The following FOCAD variants were observed in gnomAD, a reference collection of about 807,000 sequenced individuals.
The protein encoded by FOCAD is focadhesin, also known as KIAA1797.
In FOCAD, 198 loss-of-function variants were observed where a neutral mutation model predicts 225.6. That is an observed-to-expected ratio of 0.88 (90% confidence interval 0.78 to 0.99). FOCAD has a LOEUF of 0.99. FOCAD is among the 50% of genes least tolerant of loss of function. FOCAD has a pLI of 0.00. For missense variants in FOCAD, 2,713 were observed against 2,123.6 expected, an observed-to-expected ratio of 1.28 and a Z score of -5.46; for synonymous variants, 897 against 755.0, an observed-to-expected ratio of 1.19 and a Z score of -3.08.
At chr9:20,976,248 C>G (rs532623147) in intron 35 of FOCAD, 172 bp from the exon 36 acceptor site, 1 of 503,272 alleles carries the variant, frequency 2.0e-6, no homozygotes, top group Non-Finnish European at 3.4e-6. Flanking sequence ...AGGGAGCAAG[C>G]TTTTCTGGCA....
chr9:20,948,196 T>C, intron 30 of FOCAD, 75 bp from the exon 31 acceptor site: 1 of 1,350,180 alleles, frequency 7.4e-7, no homozygotes, highest in Non-Finnish European at 1.0e-6. Context: ...GTGTTTATGT[T>C]GCTATTTATA....
rs763402628 is a variant in FOCAD at position 20,758,202 on chromosome 9, A to G, written c.494+11A>G. On this transcript the variant is annotated intron_variant, in intron 6 of 43. Coordinates refer to ENST00000338382, the MANE Select transcript of FOCAD (RefSeq NM_001375567.1). ...GCAGTGCCCTGAAAGGTAATGTAAA[A>G]TAAAAGTGTAAAATAAAGTGAGGGA... 2.3e-5 allele frequency: 37 copies of G among 1,596,540 alleles called. No homozygotes were observed. In the Admixed American group the frequency reaches 6.3e-4, roughly 27 times the overall value.
chr9:20,975,238 T>C (rs1840126955), intron 35 of FOCAD, among the ~76,000 whole-genome samples: 1 of 152,208 alleles, frequency 6.6e-6, no homozygotes, highest in Admixed American at 6.6e-5. Flanking sequence ...ATGGCTATTC[T>C]ATTCCTGGTT....
At position 20,855,250 on chromosome 9, in the gene FOCAD, A is replaced by G. The variant is rs552511210; in HGVS notation, c.1921-7328A>G. On this transcript the variant is annotated intron_variant, in intron 15 of 43. Coordinates refer to ENST00000338382, the MANE Select transcript of FOCAD (RefSeq NM_001375567.1). ...GGTGATACATGGGTAAATAAAATGT[A>G]TATATTCCTTTTCCTTATTTTTCTA... Among the ~76,000 whole-genome samples, 253 of 151,810 alleles carry G rather than the reference A, an allele frequency of 1.7e-3. 1 individual carries two copies. Among genetic ancestry groups the G allele is most frequent in the African/African-American group, 5.8e-3 (240 of 41,526 alleles).
chr9:20,973,597 T>C (rs1385251263), intron 35 of FOCAD, among the ~76,000 whole-genome samples: 1 of 150,620 alleles, frequency 6.6e-6, no homozygotes, highest in Non-Finnish European at 1.5e-5. Flanking sequence ...TTTTTCCTGC[T>C]GACTCTTGCT....
chr9:20,656,353 A>G (rs1203174580), upstream of FOCAD, among the ~76,000 whole-genome samples: 2 of 151,632 alleles, frequency 1.3e-5, no homozygotes, highest in African/African-American at 2.4e-5. Context: ...TGTCTCGTTG[A>G]TCTGTCTAAT....
At chr9:20,788,161 G>T (rs1820130433) in intron 10 of FOCAD, among the ~76,000 whole-genome samples, 1 of 152,164 alleles carries the variant, frequency 6.6e-6, no homozygotes, top group Admixed American at 6.5e-5. Flanking sequence ...ATTGATAGAA[G>T]TAACAACATG....
At chr9:20,706,336 T>C (rs966366627) in intron 1 of FOCAD, among the ~76,000 whole-genome samples, 1 of 152,206 alleles carries the variant, frequency 6.6e-6, no homozygotes, top group Non-Finnish European at 1.5e-5. Context: ...GGCTCCCATT[T>C]CAAAATCTGT....
intron 18 of FOCAD, among the ~76,000 whole-genome samples, chr9:20,868,465 A>T (rs867592721): frequency 3.3e-5 from 5 of 151,966 alleles, no homozygotes; most frequent in Admixed American, 2.6e-4. Flanking sequence ...TCAATTTCCA[A>T]TTATGTTTGC....
intron 5 of FOCAD, among the ~76,000 whole-genome samples, chr9:20,743,131 C>G (rs1827766445): frequency 6.6e-6 from 1 of 152,092 alleles, no homozygotes. Flanking sequence ...TGTTTTAGAG[C>G]CTTCTTTGCC....
chr9:20,915,864 T>A (rs1409609488), intron 23 of FOCAD, among the ~76,000 whole-genome samples: 1 of 152,194 alleles, frequency 6.6e-6, no homozygotes, highest in Non-Finnish European at 1.5e-5. Context: ...ACATAGGTCA[T>A]CATTTGTAAA....
chr9:20,881,958 C>T lies in FOCAD; in HGVS notation c.2405C>T (p.Ala802Val), dbSNP rs79849792. Residue 802 changes from alanine (A) to valine (V), a missense_variant, in exon 20 of 44, where the codon GCC becomes GTC. Coordinates refer to ENST00000338382, the MANE Select transcript of FOCAD (RefSeq NM_001375567.1). The stretch of plus-strand genomic sequence containing the variant: ...TATCACTCTGCATTAAAAGGAGGTG[C>T]CCGCTCAGACCAAGGAAAGACTGTA... ...GIYHSALKGG[A>V]RSDQGKTVAG... 6,744 of 1,613,808 alleles carry T rather than the reference C, an allele frequency of 4.2e-3. 21 individuals carry two copies. Among genetic ancestry groups the T allele is most frequent in the Non-Finnish European group, 5.1e-3 (5,974 of 1,179,848 alleles).
At chr9:20,741,410 G>A (rs554062906) in intron 5 of FOCAD, among the ~76,000 whole-genome samples, 30 of 152,130 alleles carry the variant, frequency 2.0e-4, no homozygotes, top group Admixed American at 1.2e-3. Flanking sequence ...ATGATCTTCC[G>A]TGTAATTTTT....
At chr9:20,685,160 T>C (rs533249528) in intron 1 of FOCAD, among the ~76,000 whole-genome samples, 2 of 152,262 alleles carry the variant, frequency 1.3e-5, no homozygotes, top group South Asian at 4.1e-4. Flanking sequence ...TATTCCAGTT[T>C]ATATGTTAGT....
chr9:20,674,174 CTTATA>C (rs1822159077), intron 2 of FOCAD, among the ~76,000 whole-genome samples: 1 of 152,032 alleles, frequency 6.6e-6, no homozygotes, highest in Admixed American at 6.5e-5. Context: ...AATTAAATAT[CTTATA>C]TTAGTATTAG....
chr9:20,924,669 C>CACAG, intron 25 of FOCAD, among the ~76,000 whole-genome samples: 1 of 151,630 alleles, frequency 6.6e-6, no homozygotes, highest in East Asian at 1.9e-4. Flanking sequence ...TTTGGTGGTA[C>CACAG]ACTAAAAAAA....
intron 15 of FOCAD, among the ~76,000 whole-genome samples, chr9:20,858,542 CA>C (rs1199882389): frequency 2.0e-5 from 3 of 151,912 alleles, no homozygotes; most frequent in African/African-American, 7.3e-5. Context: ...CTCATCTTTT[CA>C]AGAAACCAAC....
chr9:20,864,043 T>C (rs1224463337), intron 16 of FOCAD, among the ~76,000 whole-genome samples: 1 of 152,068 alleles, frequency 6.6e-6, no homozygotes, highest in Non-Finnish European at 1.5e-5. Context: ...GTTCTCTCTA[T>C]CTCTTCCTGC....
At chr9:20,727,068 G>A (rs1015806234) in intron 4 of FOCAD, among the ~76,000 whole-genome samples, 1 of 152,116 alleles carries the variant, frequency 6.6e-6, no homozygotes, top group Middle Eastern at 3.2e-3. Flanking sequence ...TTAACTTTTA[G>A]TAGAGAGTGA....
Sources: gnomAD v4.1 joint callset for allele counts (sites outside exome capture counted in the v4.1 genomes callset) on GRCh38, gnomAD v4.1.1 for gene constraint, MANE v1.5 for transcripts, NCBI Gene and HGNC (gene_info 2026-07-23, HGNC 2026-07-21) for gene names.